GPSM1: variants seen among roughly 807,000 people sequenced by gnomAD.
GPSM1 encodes G protein signaling modulator 1.
GPSM1 carries 48 observed loss-of-function variants against 70.5 expected under a neutral mutation model. That is an observed-to-expected ratio of 0.68 (90% CI 0.54 to 0.87). GPSM1 has a LOEUF of 0.87. Among genes scored for constraint, GPSM1 ranks in the 40% least tolerant of loss-of-function variants. The probability of loss-of-function intolerance (pLI) is 0.00; values close to 1 mark genes in which losing one functional copy is unlikely to be tolerated. For synonymous variants in GPSM1, 416 were observed against 430.1 expected, an observed-to-expected ratio of 0.97 and a Z score of 0.41; for missense variants, 981 against 972.6, an observed-to-expected ratio of 1.01 and a Z score of -0.11.
At chr9:136,336,202 C>T (rs782502056) in intron 3 of GPSM1, 101 bp downstream of exon 3, 20 of 1,346,880 alleles carry the variant, frequency 1.5e-5, no homozygotes, top group Middle Eastern at 2.3e-4. Flanking sequence ...CATCCAGCTC[C>T]TCATGGGAGG....
intron 9 of GPSM1, among the ~76,000 whole-genome samples, chr9:136,344,327 G>A (rs1019715303): frequency 1.3e-5 from 2 of 152,178 alleles, no homozygotes; most frequent in Admixed American, 1.3e-4. Flanking sequence ...GGTCCATTCC[G>A]ACTGCCCTCA....
chr9:136,345,540 C>A (rs1192757721), intron 9 of GPSM1, among the ~76,000 whole-genome samples: 2 of 152,248 alleles, frequency 1.3e-5, no homozygotes, highest in East Asian at 3.8e-4. Flanking sequence ...TCAGCCGCTG[C>A]TGCAGCCAGG....
intron 13 of GPSM1, 33 bp downstream of exon 13, chr9:136,356,583 G>C (rs201431536): frequency 1.1e-5 from 17 of 1,530,800 alleles, no homozygotes; most frequent in Non-Finnish European, 1.4e-5. Context: ...CGTGGCTCGC[G>C]GCCCCTTTGC....
At chr9:136,344,438 G>A (rs1420981345) in intron 9 of GPSM1, among the ~76,000 whole-genome samples, 2 of 152,196 alleles carry the variant, frequency 1.3e-5, no homozygotes, top group African/African-American at 2.4e-5. Context: ...GGGTGCTGGC[G>A]AGAGCCTCTT....
chr9:136,344,165 C>T (rs1554770822), intron 9 of GPSM1, among the ~76,000 whole-genome samples: 3 of 83,716 alleles, frequency 3.6e-5, no homozygotes, highest in African/African-American at 1.4e-4. Flanking sequence ...CGGACAGGAT[C>T]GGGGGGAGGC....
In GPSM1 at chr9:136,352,279, ACACCGATGCTGCG is replaced by A. The variant is rs1832692056; in HGVS notation, c.1455+2518_1455+2530del. On this transcript the variant is annotated intron_variant, in intron 11 of 13. Transcript: ENST00000440944. ...CGATGCTGCGCCGTTGCTGTTGGTG[ACACCGATGCTGCG>A]CCGTTGCTGTTGGTGACACCGATGC... 2.3e-5 allele frequency among the ~76,000 whole-genome samples: 3 copies of A among 132,448 alleles called. 1 individual carries two copies. The highest frequency in any genetic ancestry group is 4.9e-5 in the Non-Finnish European group (3 of 61,380). 86.9% of individuals were successfully genotyped at this position (132,448 alleles called of 152,430 possible).
rs527948154 is a variant in GPSM1 at position 136,330,499 on chromosome 9, C to T, written c.68+2736C>T. 2.6e-5 allele frequency among the ~76,000 whole-genome samples: 4 copies of T among 152,336 alleles called. No individual in the cohort carries two copies. In the East Asian group the frequency reaches 5.8e-4, roughly 22 times the overall value. ...TTCCTACAGCTGGGTGACCTTCAGT[C>T]CCCTCTCCAGTGATTCCAGCTCCCG... On this transcript the variant is annotated intron_variant, in intron 1 of 13. Coordinates refer to ENST00000440944, the MANE Select transcript of GPSM1 (RefSeq NM_001145638.3).
chr9:136,358,618 A>C lies in GPSM1; in HGVS notation c.*398A>C. Reference sequence around the variant, plus strand: ...CTCTGAGCCGCCTCTTGGGGCCACCAAGGACAGGGCCATGTTCTGTCCCCC... The same window carrying C: ...CTCTGAGCCGCCTCTTGGGGCCACCCAGGACAGGGCCATGTTCTGTCCCCC... On this transcript the variant is annotated 3_prime_UTR_variant, in exon 14 of 14. Coordinates refer to ENST00000440944, the MANE Select transcript of GPSM1 (RefSeq NM_001145638.3). 6.4e-6 allele frequency: 2 copies of C among 310,550 alleles called. No homozygotes were observed. The highest frequency in any genetic ancestry group is 1.0e-4 in the East Asian group (1 of 9,636). 19.2% of individuals were successfully genotyped at this position (310,550 alleles called of 1,614,324 possible).
chr9:136,341,653 T>C lies in GPSM1; in HGVS notation c.1207+660T>C, dbSNP rs1162521498. 5.0e-6 allele frequency: 5 copies of C among 999,148 alleles called. No homozygotes were observed. In the African/African-American group the frequency reaches 7.0e-5, roughly 14 times the overall value. The allele number at this position is 999,148 out of a possible 1,614,324, so 61.9% of individuals were successfully genotyped here. On this transcript the variant is annotated intron_variant, in intron 9 of 13. Coordinates refer to ENST00000440944, the MANE Select transcript of GPSM1 (RefSeq NM_001145638.3). The surrounding 1 kb of genome is among the most constrained non-coding windows in gnomAD (Gnocchi z 6.7). ...GGGGAGCAGCTGCCCCACCCATGTG[T>C]CCCCCACTCCCAAAGGTCTTGAGTT...
intron 1 of GPSM1, chr9:136,332,152 G>GA (rs1832116252): frequency 2.5e-6 from 1 of 399,340 alleles, no homozygotes; most frequent in Non-Finnish European, 4.4e-6. Context: ...CAGAAGATGC[G>GA]AAACCTGCAG....
intron 7 of GPSM1, 74 bp downstream of exon 7, chr9:136,338,784 G>C (rs1294617653): frequency 1.6e-5 from 23 of 1,421,454 alleles, no homozygotes; most frequent in Non-Finnish European, 2.1e-5. Flanking sequence ...AGGCGAGGTG[G>C]CCTGGGTCCC....
chr9:136,338,007 G>T (rs1554769593), intron 6 of GPSM1, 46 bp downstream of exon 6: 1 of 1,278,932 alleles, frequency 7.8e-7, no homozygotes, highest in Non-Finnish European at 1.1e-6. Flanking sequence ...GGCCGGGGGG[G>T]CTGGATGCCA....
At chr9:136,336,814 G>A in intron 3 of GPSM1, 107 bp from the exon 4 acceptor site, 2 of 1,121,028 alleles carry the variant, frequency 1.8e-6, no homozygotes, top group East Asian at 5.2e-5. Flanking sequence ...GAGCCCCCAA[G>A]GCCCTCGCTG....
intron 9 of GPSM1, among the ~76,000 whole-genome samples, chr9:136,346,884 TCTCC>T (rs1358851206): frequency 1.3e-5 from 2 of 152,146 alleles, no homozygotes; most frequent in Non-Finnish European, 2.9e-5. Flanking sequence ...GAGCCGGCTC[TCTCC>T]CTCTGTGGAT....
intron 13 of GPSM1, among the ~76,000 whole-genome samples, 192 bp downstream of exon 13, chr9:136,356,742 G>T (rs1180532795): frequency 1.3e-5 from 2 of 152,132 alleles, no homozygotes; most frequent in East Asian, 3.9e-4. Flanking sequence ...CTACTCCTGG[G>T]AACCCCGGGC....
At chr9:136,350,334 G>A (rs142189693) in intron 11 of GPSM1, among the ~76,000 whole-genome samples, 1,671 of 152,264 alleles carry the variant, frequency 0.011, 16 homozygotes, top group Non-Finnish European at 0.014. Context: ...AGGGGTGGAC[G>A]AGGCCAACAC....
intron 5 of GPSM1, 128 bp from the exon 6 acceptor site, chr9:136,337,718 G>A (rs1554769515): frequency 2.0e-6 from 2 of 979,820 alleles, no homozygotes; most frequent in East Asian, 5.2e-5. Flanking sequence ...TGGTCCTGCA[G>A]CTGCTAGCTG....
chr9:136,356,319 T>C (rs1284626088), intron 12 of GPSM1, 23 bp from the exon 13 acceptor site: 1 of 1,521,302 alleles, frequency 6.6e-7, no homozygotes, highest in Non-Finnish European at 8.9e-7. Context: ...GGGTCCCAGG[T>C]CTCACCCTCT....
In GPSM1 at chr9:136,339,809, C is replaced by T. The variant is rs1832341830; in HGVS notation, c.1077C>T (p.Ser359=). 6.5e-7 allele frequency: 1 copy of T among 1,540,644 alleles called. No homozygotes were observed. Among genetic ancestry groups the T allele is most frequent in the East Asian group, 2.4e-5 (1 of 40,892 alleles). ...LTFAKKHLQI[S]QEIGDRHGEL... ...TCGCCAAGAAGCACCTGCAGATCTCCCAGGAGGTGAGCCAGGCCTGCCCCC... is the reference window on the plus strand; with the variant it reads ...TCGCCAAGAAGCACCTGCAGATCTCTCAGGAGGTGAGCCAGGCCTGCCCCC... The change falls in exon 8 of 14, where the codon TCC becomes TCT. Residue 359 remains serine (S), a synonymous_variant. Coordinates refer to ENST00000440944, the MANE Select transcript of GPSM1 (RefSeq NM_001145638.3).
Sources: gnomAD v4.1 joint callset for allele counts (sites outside exome capture counted in the v4.1 genomes callset) on GRCh38, gnomAD v4.1.1 for gene constraint, Gnocchi (gnomAD v3.1) non-coding constraint, MANE v1.5 for transcripts, NCBI Gene and HGNC (gene_info 2026-07-23, HGNC 2026-07-21) for gene names.